The following CFAP54 variants were observed in gnomAD, a reference collection of about 807,000 sequenced individuals.
CFAP54 encodes cilia and flagella associated protein 54.
A neutral mutation model predicts 370.4 loss-of-function variants in CFAP54; 290 were observed. The observed-to-expected ratio is 0.78, with a 90% confidence interval of 0.71 to 0.86. The LOEUF is 0.86. CFAP54 is among the 40% of genes least tolerant of loss of function. The probability of loss-of-function intolerance (pLI) is 0.00; values close to 1 mark genes in which losing one functional copy is unlikely to be tolerated. For synonymous variants in CFAP54, 1,206 were observed against 1,236.5 expected (o/e 0.98, Z 0.52); for missense variants, 3,399 against 3,528.7 (o/e 0.96, Z 0.93).
At chr12:96,512,428 C>T (rs1439832700) in intron 4 of CFAP54, among the ~76,000 whole-genome samples, 5 of 149,392 alleles carry the variant, frequency 3.3e-5, no homozygotes, top group Admixed American at 2.0e-4. Flanking sequence ...CTGCAACCTC[C>T]GCCTCCCAGG....
intron 26 of CFAP54, among the ~76,000 whole-genome samples, chr12:96,610,364 C>T (rs1956343821): frequency 6.6e-6 from 1 of 151,918 alleles, no homozygotes; most frequent in Non-Finnish European, 1.5e-5. Flanking sequence ...TCAGGGGACA[C>T]TTTCTTTGAT....
At chr12:96,754,386 G>A (rs1194912244) in intron 56 of CFAP54, among the ~76,000 whole-genome samples, 2 of 152,170 alleles carry the variant, frequency 1.3e-5, no homozygotes, top group Non-Finnish European at 2.9e-5. Flanking sequence ...ATTTTATTGT[G>A]GGCATTTTAC....
rs971317376 is a variant in CFAP54, at chr12:96,580,943, T to A, written c.2913T>A (p.Val971=). The A allele has an allele frequency of 1.3e-5, 19 of 1,518,978 alleles. No homozygotes were observed. Among genetic ancestry groups the A allele is most frequent in the Middle Eastern group, 1.7e-4 (1 of 5,938 alleles). The allele number at this position is 1,518,978 out of a possible 1,614,324, so 94.1% of individuals were successfully genotyped here. The part of the protein sequence containing the change: ...GEAIPADGKS[V]FEVKGLETNE... ...AGATACCAGCTGACGGTAAAAGTGT[T>A]TTTGAAGTGAAAGGTTTAGAAACCA... The change falls in exon 22 of 68, where the codon GTT becomes GTA. Residue 971 remains valine, a synonymous_variant. Coordinates refer to ENST00000524981, the MANE Select transcript of CFAP54 (RefSeq NM_001306084.2).
At chr12:96,643,516 C>A (rs972800209) in intron 32 of CFAP54, among the ~76,000 whole-genome samples, 1 of 152,058 alleles carries the variant, frequency 6.6e-6, no homozygotes, top group Non-Finnish European at 1.5e-5. Context: ...ACAAAAAAAA[C>A]TGAAAATATG....
intron 9 of CFAP54, among the ~76,000 whole-genome samples, chr12:96,529,110 G>C (rs1353389691): frequency 6.6e-6 from 1 of 152,184 alleles, no homozygotes; most frequent in Non-Finnish European, 1.5e-5. Context: ...ACTATGGTCA[G>C]AGAGCACATT....
chr12:96,608,620 C>A (rs1956325356), intron 26 of CFAP54, among the ~76,000 whole-genome samples: 1 of 151,982 alleles, frequency 6.6e-6, no homozygotes. Flanking sequence ...CACCACTACG[C>A]CCGCTTAGTT....
In CFAP54 at chr12:96,535,599, A is replaced by G; in HGVS notation, c.1790A>G (p.Gln597Arg). 6.5e-7 allele frequency: 1 copy of G among 1,527,128 alleles called. No individual in the cohort carries two copies. Among genetic ancestry groups the G allele is most frequent in the Non-Finnish European group, 8.8e-7 (1 of 1,140,198 alleles). 94.6% of individuals were successfully genotyped at this position (1,527,128 alleles called of 1,614,324 possible). Residue 597 changes from glutamine (Q) to arginine (R), a missense_variant and splice_region_variant, in exon 12 of 68, where the codon CAG becomes CGG. Gln to Arg is a conservative substitution (Grantham distance 43). Transcript: ENST00000524981. ...TLYVCVCTAPQDVQPDKEIVV... is the reference protein window; with the variant it reads ...TLYVCVCTAPRDVQPDKEIVV... ...TATGTCTGTGTCTGCACTGCTCCCC[A>G]GGTGAAATAGCTATTTTAAATAATT...
chr12:96,562,999 T>C (rs10860054), intron 17 of CFAP54, among the ~76,000 whole-genome samples: 85,570 of 152,024 alleles, frequency 0.56, 24,817 homozygotes, highest in East Asian at 0.74. Flanking sequence ...ATATTTGGTT[T>C]AGAAATATGT....
At chr12:96,638,183 T>TTATATA (rs1956680867) in intron 32 of CFAP54, among the ~76,000 whole-genome samples, 1 of 70,728 alleles carries the variant, frequency 1.4e-5, no homozygotes, top group African/African-American at 4.4e-5. Flanking sequence ...TTTAGCTGCA[T>TTATATA]CATATATATA....
chr12:96,758,865 G>C (rs138212076), intron 58 of CFAP54, among the ~76,000 whole-genome samples: 1 of 152,182 alleles, frequency 6.6e-6, no homozygotes, highest in Non-Finnish European at 1.5e-5. Context: ...GAGCCTCCCA[G>C]GTGATGCTGA....
chr12:96,691,423 A>C, intron 44 of CFAP54, 113 bp downstream of exon 44: 1 of 652,092 alleles, frequency 1.5e-6, no homozygotes, highest in Admixed American at 3.7e-5. Flanking sequence ...TTAACTTTTA[A>C]ACTCTATATA....
intron 45 of CFAP54, among the ~76,000 whole-genome samples, chr12:96,699,339 G>A (rs1009709346): frequency 2.6e-5 from 4 of 152,114 alleles, no homozygotes; most frequent in African/African-American, 9.7e-5. Context: ...AAGGAAGTTC[G>A]CGTGAGACAG....
At position 96,753,855 on chromosome 12, in the gene CFAP54, A is replaced by C; in HGVS notation, c.7797A>C (p.Ala2599=). Residue 2599 remains alanine, a synonymous_variant, in exon 56 of 68, where the codon GCA becomes GCC. Coordinates refer to ENST00000524981, the MANE Select transcript of CFAP54 (RefSeq NM_001306084.2). ...DVALKLCRTT[A]VEEHEVEAEI... ...CACTGAAGCTCTGTAGAACAACAGC[A>C]GTGGAGGAACATGAGGTGGAAGCTG... The C allele has an allele frequency of 6.2e-7, 1 of 1,613,966 alleles. No homozygotes were observed. Among genetic ancestry groups the C allele is most frequent in the Non-Finnish European group, 8.5e-7 (1 of 1,179,900 alleles).
intron 60 of CFAP54, among the ~76,000 whole-genome samples, chr12:96,773,628 T>C (rs1436672687): frequency 6.6e-6 from 1 of 152,252 alleles, no homozygotes; most frequent in Non-Finnish European, 1.5e-5. Flanking sequence ...ATAATAATGC[T>C]CCTTGCTCTT....
At chr12:96,581,312 C>A (rs1194358408) in intron 22 of CFAP54, among the ~76,000 whole-genome samples, 7 of 151,942 alleles carry the variant, frequency 4.6e-5, no homozygotes, top group Non-Finnish European at 7.4e-5. Context: ...ACATTTTTTC[C>A]CCTGGATTAC....
chr12:96,491,500 A>G (rs563063321), intron 1 of CFAP54, among the ~76,000 whole-genome samples: 1 of 152,230 alleles, frequency 6.6e-6, no homozygotes, highest in Admixed American at 6.5e-5. Flanking sequence ...TGTGTGTGTA[A>G]ATGGAGAAGG....
intron 45 of CFAP54, among the ~76,000 whole-genome samples, chr12:96,695,339 C>A (rs573103987): frequency 3.3e-5 from 5 of 152,350 alleles, no homozygotes; most frequent in Non-Finnish European, 7.3e-5. Flanking sequence ...CGTGTCTAAA[C>A]CCTGCCCTGG....
At position 96,521,873 on chromosome 12, in the gene CFAP54, C is replaced by G; in HGVS notation, c.959C>G (p.Ala320Gly). Residue 320 changes from alanine to glycine, a missense_variant, in exon 7 of 68, where the codon GCT becomes GGT. Ala to Gly is a moderately conservative substitution (Grantham distance 60). This residue lies in a region of CFAP54 where 559 missense variants were observed against 576.7 expected (regional missense o/e 0.97). Transcript: ENST00000524981. ...CACATGTAGGCATTTGCTCGGCGTG[C>G]TTTGGCTAAAATTGATGAGTTAAGG... ...GIHGEAFARR[A>G]LAKIDELRQL... 6.5e-7 allele frequency: 1 copy of G among 1,528,326 alleles called. No individual in the cohort carries two copies. Among genetic ancestry groups the G allele is most frequent in the African/African-American group, 1.4e-5 (1 of 73,034 alleles). 94.7% of individuals were successfully genotyped at this position (1,528,326 alleles called of 1,614,324 possible). A position where few individuals can be genotyped will look rare whatever the true frequency, so the allele number is the denominator to read the frequency against.
chr12:96,510,963 CAAAAA>C (rs11479059), intron 4 of CFAP54, among the ~76,000 whole-genome samples: 1 of 103,710 alleles, frequency 9.6e-6, no homozygotes, highest in Admixed American at 1.0e-4. Context: ...ACTCTTATCT[CAAAAA>C]AAAAAAAAAA....
Sources: allele counts gnomAD v4.1 joint callset (sites outside exome capture counted in the v4.1 genomes callset), GRCh38; gene constraint gnomAD v4.1.1; regional missense constraint gnomAD v4.1.1; transcripts MANE v1.5; gene names NCBI Gene and HGNC (gene_info 2026-07-23, HGNC 2026-07-21).